The following NALF1 variants were observed in gnomAD, a reference collection of about 807,000 sequenced individuals.
The protein encoded by NALF1 is NALCN channel auxiliary factor 1.
Under a neutral mutation model 48.4 loss-of-function variants are expected in NALF1, and 3 were observed. The observed-to-expected ratio is 0.06, with a 90% CI of 0.03 to 0.16. The LOEUF (loss-of-function observed/expected upper bound fraction) is 0.16. Ranked by LOEUF, NALF1 falls within the 10% of genes least tolerant of loss-of-function variation. NALF1 has a pLI of 1.00. For synonymous variants in NALF1, 262 were observed against 245.7 expected (o/e 1.07, Z -0.62); for missense variants, 526 against 571.5 (o/e 0.92, Z 0.81).
At chr13:107,856,730 C>T (rs904589530) in intron 1 of NALF1, among the ~76,000 whole-genome samples, 1 of 152,070 alleles carries the variant, frequency 6.6e-6, no homozygotes, top group Admixed American at 6.6e-5. Context: ...AAGTCACTTC[C>T]GGGTGCCTCA....
chr13:107,754,354 A>AACACACACAC (rs6145234), intron 1 of NALF1, among the ~76,000 whole-genome samples: 76 of 142,410 alleles, frequency 5.3e-4, no homozygotes, highest in Admixed American at 1.6e-3. Flanking sequence ...GTACATTGTG[A>AACACACACAC]ACACACACAC....
intron 1 of NALF1, among the ~76,000 whole-genome samples, chr13:107,599,437 A>AT (rs570280556): frequency 0.043 from 6,516 of 151,452 alleles, 236 homozygotes; most frequent in African/African-American, 0.11. Flanking sequence ...AAAAAAAAAA[A>AT]AATAACATTA....
intron 1 of NALF1, among the ~76,000 whole-genome samples, chr13:107,351,375 G>T (rs1383128445): frequency 6.6e-6 from 1 of 151,436 alleles, no homozygotes; most frequent in Admixed American, 6.6e-5. Flanking sequence ...AGGAGAGGAG[G>T]TTCATGCTTA....
rs1463673226 is a variant in NALF1 at position 107,317,667 on chromosome 13, G to C, written c.916-106912C>G. On this transcript the variant is annotated intron_variant, in intron 1 of 2. Transcript: ENST00000375915. ...AAGAGCATATACTAGACTATTATAAGAAATAGTAGCATATAACATATGAAT... is the reference window on the plus strand; with the variant it reads ...AAGAGCATATACTAGACTATTATAACAAATAGTAGCATATAACATATGAAT... Among the ~76,000 whole-genome samples, 5 of 151,780 alleles carry C rather than the reference G, an allele frequency of 3.3e-5. 1 individual carries two copies. In the South Asian group the frequency reaches 6.2e-4, roughly 19 times the overall value.
Position 107,164,454 on chromosome 13 carries a change from T to A in NALF1, c.*6043A>T, listed in dbSNP as rs1878618627. On this transcript the variant is annotated 3_prime_UTR_variant, in exon 3 of 3. Coordinates refer to ENST00000375915, the MANE Select transcript of NALF1 (RefSeq NM_001080396.3). ...ATTTAAACATTTTCATGTTTAAAAT[T>A]ACTATAGTTTTTTTAAGGAATTCAG... is the stretch of plus-strand genomic sequence containing the variant. 1 of 152,096 alleles carries A rather than the reference T, an allele frequency of 6.6e-6. No individual in the cohort carries two copies. The highest frequency in any genetic ancestry group is 6.5e-5 in the Admixed American group (1 of 15,274). The allele number at this position is 152,096 out of a possible 1,614,324, so 9.4% of individuals were successfully genotyped here.
chr13:107,842,083 T>C (rs9520597), intron 1 of NALF1, among the ~76,000 whole-genome samples: 1 of 151,786 alleles, frequency 6.6e-6, no homozygotes, highest in Non-Finnish European at 1.5e-5. Flanking sequence ...ATTTAGAACA[T>C]TTTAGCCAAT....
chr13:107,374,587 C>CTT (rs10654742), intron 1 of NALF1, among the ~76,000 whole-genome samples: 72,768 of 151,846 alleles, frequency 0.48, 18,344 homozygotes, highest in East Asian at 0.75. Context: ...GACGCTAAGA[C>CTT]TTACCCTTGT....
chr13:107,644,341 T>C (rs1880245778), intron 1 of NALF1, among the ~76,000 whole-genome samples: 1 of 151,712 alleles, frequency 6.6e-6, no homozygotes, highest in African/African-American at 2.4e-5. Context: ...CTCAGAAACA[T>C]ACGTCTATTA....
chr13:107,700,182 C>A (rs8002604), intron 1 of NALF1, among the ~76,000 whole-genome samples: 150,637 of 151,872 alleles, frequency 0.99, 74,715 homozygotes, highest in East Asian at 1. Context: ...CTAAAAAAAA[C>A]CCTGAATAGA....
chr13:107,565,472 A>G (rs1008667691), intron 1 of NALF1, among the ~76,000 whole-genome samples: 6 of 152,182 alleles, frequency 3.9e-5, no homozygotes, highest in Non-Finnish European at 5.9e-5. Context: ...AAAGAAAGCA[A>G]TGTTCTAATA....
intron 1 of NALF1, among the ~76,000 whole-genome samples, chr13:107,220,489 T>C (rs1247175450): frequency 6.6e-6 from 1 of 152,180 alleles, no homozygotes; most frequent in Non-Finnish European, 1.5e-5. Flanking sequence ...AATACAGACT[T>C]GTAGCCTGTT....
intron 1 of NALF1, among the ~76,000 whole-genome samples, chr13:107,750,604 A>T (rs1876911352): frequency 6.6e-6 from 1 of 152,036 alleles, no homozygotes; most frequent in Non-Finnish European, 1.5e-5. Context: ...GAAAACAAAG[A>T]AGAGCAACAA....
intron 1 of NALF1, among the ~76,000 whole-genome samples, chr13:107,730,615 T>C (rs1035895023): frequency 6.6e-6 from 1 of 152,224 alleles, no homozygotes; most frequent in Non-Finnish European, 1.5e-5. Flanking sequence ...TATTCAGCTA[T>C]GACAGCTCAG....
At chr13:107,720,510 C>CAAAAAAAAAAA (rs56380251) in intron 1 of NALF1, among the ~76,000 whole-genome samples, 4 of 59,846 alleles carry the variant, frequency 6.7e-5, no homozygotes, top group Non-Finnish European at 1.1e-4. Context: ...GACTGCATCT[C>CAAAAAAAAAAA]AAAAAAAAAA....
At chr13:107,614,497 T>C (rs1357657950) in intron 1 of NALF1, among the ~76,000 whole-genome samples, 1 of 152,190 alleles carries the variant, frequency 6.6e-6, no homozygotes, top group East Asian at 1.9e-4. Flanking sequence ...AAAATGAGAA[T>C]AATAATGGAA....
rs151140161 is a variant in NALF1 at position 107,422,985 on chromosome 13, C to G, written c.916-212230G>C. ...AACAGGACTGCAATCCTGCCGACACCTACATTTTAGTTTAGGGAAACCTAT... is the reference window on the plus strand; with the variant it reads ...AACAGGACTGCAATCCTGCCGACACGTACATTTTAGTTTAGGGAAACCTAT... On this transcript the variant is annotated intron_variant, in intron 1 of 2. Coordinates refer to ENST00000375915, the MANE Select transcript of NALF1 (RefSeq NM_001080396.3). Among the ~76,000 whole-genome samples, 336 of 152,202 alleles carry G rather than the reference C, an allele frequency of 2.2e-3. 2 individuals are homozygous for G. Among genetic ancestry groups the G allele is most frequent in the African/African-American group, 7.2e-3 (299 of 41,538 alleles).
intron 1 of NALF1, among the ~76,000 whole-genome samples, chr13:107,807,314 A>G (rs1878826066): frequency 6.6e-6 from 1 of 152,206 alleles, no homozygotes; most frequent in African/African-American, 2.4e-5. Context: ...TTTTTGTATA[A>G]TATTACTACA....
intron 1 of NALF1, among the ~76,000 whole-genome samples, chr13:107,269,738 G>A (rs898457141): frequency 1.3e-5 from 2 of 152,044 alleles, no homozygotes; most frequent in African/African-American, 4.8e-5. Context: ...GACCTCCAGA[G>A]AGGGAGGAGA....
chr13:107,789,983 CTG>C (rs1358646088), intron 1 of NALF1, among the ~76,000 whole-genome samples: 1 of 152,206 alleles, frequency 6.6e-6, no homozygotes, highest in African/African-American at 2.4e-5. Context: ...CCCTTGTACA[CTG>C]TACACAATAT....
Sources: gnomAD v4.1 joint callset for allele counts (sites outside exome capture counted in the v4.1 genomes callset) on GRCh38, gnomAD v4.1.1 for gene constraint, MANE v1.5 for transcripts, NCBI Gene and HGNC (gene_info 2026-07-23, HGNC 2026-07-21) for gene names.